Variants in CELF4 observed in about 807,000 individuals in gnomAD.
CELF4 encodes CUG-BP- and ETR-3-like factor 4.
CELF4 carries 18 observed loss-of-function variants against 59.9 expected under a neutral mutation model. The observed-to-expected ratio is 0.30, with a 90% CI of 0.21 to 0.45. CELF4 has a LOEUF of 0.45. CELF4 is among the 20% of genes least tolerant of loss of function. The pLI, the probability that CELF4 is intolerant of heterozygous loss-of-function variation, is 1.00. For synonymous variants in CELF4, 261 were observed against 267.1 expected (o/e 0.98, Z 0.22); for missense variants, 456 against 689.0 (o/e 0.66, Z 3.79).
chr18:37,273,026 G>T lies in CELF4; in HGVS notation c.939C>A (p.Thr313=), dbSNP rs746025688. 1 of 1,610,064 alleles carries T rather than the reference G, an allele frequency of 6.2e-7. No homozygotes were observed. The highest frequency in any genetic ancestry group is 8.5e-7 in the Non-Finnish European group (1 of 1,178,638). Residue 313 remains threonine (T), a synonymous_variant, in exon 7 of 13, where the codon ACC becomes ACA. Coordinates refer to ENST00000420428, the MANE Select transcript of CELF4 (RefSeq NM_020180.4). ...NMNGLAAAPM[T]PTSGGSTPPG... ...CACCTGCCAGCTCACCTGAGGTTGGGGTCATAGGTGCGGCCGCCAGGCCAT... is the reference window on the plus strand; with the variant it reads ...CACCTGCCAGCTCACCTGAGGTTGGTGTCATAGGTGCGGCCGCCAGGCCAT...
chr18:37,352,213 C>A lies in CELF4; in HGVS notation c.370-30332G>T, dbSNP rs200326939. On this transcript the variant is annotated intron_variant, in intron 2 of 12. Coordinates refer to ENST00000420428, the MANE Select transcript of CELF4 (RefSeq NM_020180.4). ...CTTTGCAGGTGTCCCTCCTTCTGGG[C>A]AAGGCCAGGAGGAGAACATCAGTGC... 8.5e-5 allele frequency among the ~76,000 whole-genome samples: 13 copies of A among 152,328 alleles called. No individual in the cohort carries two copies. The East Asian group carries it at 2.5e-3, about 29-fold the overall frequency.
chr18:37,510,363 C>A (rs551980200), intron 1 of CELF4, among the ~76,000 whole-genome samples: 1 of 152,330 alleles, frequency 6.6e-6, no homozygotes, highest in African/African-American at 2.4e-5. Context: ...GGGACCCCTG[C>A]CTTCTTCCCC....
chr18:37,477,310 T>C (rs754288012), intron 2 of CELF4, among the ~76,000 whole-genome samples: 26 of 152,306 alleles, frequency 1.7e-4, no homozygotes, highest in Non-Finnish European at 2.8e-4. Context: ...AGAGAATTTG[T>C]TCAGAGGAAG....
chr18:37,533,896 G>A (rs1488956562), intron 1 of CELF4, among the ~76,000 whole-genome samples: 1 of 152,194 alleles, frequency 6.6e-6, no homozygotes, highest in Non-Finnish European at 1.5e-5. Context: ...GAAAGCAGTG[G>A]GGTGGTCCTG....
intron 2 of CELF4, among the ~76,000 whole-genome samples, chr18:37,379,966 CAG>C (rs907602145): frequency 6.6e-6 from 1 of 152,172 alleles, no homozygotes; most frequent in Non-Finnish European, 1.5e-5. Context: ...CCCTTCCACT[CAG>C]AGGGTGGATG....
rs985823852 is a variant in CELF4 at position 37,244,616 on chromosome 18, T to C, written c.*626A>G. The C allele has an allele frequency of 4.6e-5, 7 of 152,540 alleles. No individual in the cohort carries two copies. The highest frequency in any genetic ancestry group is 7.3e-5 in the Non-Finnish European group (5 of 68,034). The allele number at this position is 152,540 out of a possible 1,614,324, so 9.4% of individuals were successfully genotyped here. ...TTTAATTTTTTATTACATTTTTTCA[T>C]AGAATCGCTCTAAGCTGTTTCAAGA... On this transcript the variant is annotated 3_prime_UTR_variant, in exon 13 of 13. Transcript: ENST00000420428.
At chr18:37,529,128 TC>T (rs1284158571) in intron 1 of CELF4, 5 of 152,164 alleles carry the variant, frequency 3.3e-5, no homozygotes, top group Admixed American at 6.5e-5. Flanking sequence ...GCTCAGGTGC[TC>T]TGTGCCTCGG....
At chr18:37,401,682 G>C (rs2099328096) in intron 2 of CELF4, among the ~76,000 whole-genome samples, 1 of 152,188 alleles carries the variant, frequency 6.6e-6, no homozygotes, top group Non-Finnish European at 1.5e-5. Flanking sequence ...ATGGATCTGA[G>C]ACTTCCCTGA....
intron 6 of CELF4, chr18:37,273,400 A>T: frequency 1.6e-6 from 2 of 1,264,678 alleles, no homozygotes; most frequent in Non-Finnish European, 2.0e-6. Context: ...TTGGAACTCC[A>T]AAGTTGTTGC....
intron 2 of CELF4, among the ~76,000 whole-genome samples, chr18:37,373,484 A>T (rs1205302447): frequency 6.6e-6 from 1 of 152,240 alleles, no homozygotes; most frequent in Non-Finnish European, 1.5e-5. Flanking sequence ...ACTTTGTTGG[A>T]ACAAAGAACA....
chr18:37,445,245 A>G (rs2099744992), intron 2 of CELF4, among the ~76,000 whole-genome samples: 1 of 152,152 alleles, frequency 6.6e-6, no homozygotes, highest in Admixed American at 6.5e-5. Flanking sequence ...AAGCGGGAGC[A>G]GAGGGGCCAG....
At chr18:37,407,519 G>A (rs930440212) in intron 2 of CELF4, among the ~76,000 whole-genome samples, 5 of 151,986 alleles carry the variant, frequency 3.3e-5, no homozygotes, top group African/African-American at 1.2e-4. Context: ...GTGTGCATGT[G>A]TACAGGTGTG....
chr18:37,295,512 A>G (rs1187818946), intron 3 of CELF4, among the ~76,000 whole-genome samples: 1 of 152,238 alleles, frequency 6.6e-6, no homozygotes, highest in Non-Finnish European at 1.5e-5. Context: ...CTCCATGCCA[A>G]GAGGGCTCAG....
At chr18:37,548,787 G>C (rs1480604753) in intron 1 of CELF4, among the ~76,000 whole-genome samples, 1 of 152,212 alleles carries the variant, frequency 6.6e-6, no homozygotes, top group Non-Finnish European at 1.5e-5. Flanking sequence ...GTCCGTGCGG[G>C]AGCCAGAGCC....
At chr18:37,424,068 G>T (rs1423682971) in intron 2 of CELF4, among the ~76,000 whole-genome samples, 2 of 151,678 alleles carry the variant, frequency 1.3e-5, no homozygotes, top group Admixed American at 6.6e-5. Context: ...GATCTATCAG[G>T]TTGGTGCAAA....
chr18:37,488,650 TTCCCCC>T (rs2099887997), intron 1 of CELF4, among the ~76,000 whole-genome samples: 1 of 152,084 alleles, frequency 6.6e-6, no homozygotes, highest in African/African-American at 2.4e-5. Context: ...CTCACCATGC[TTCCCCC>T]TTCACCCCCA....
intron 1 of CELF4, among the ~76,000 whole-genome samples, chr18:37,502,738 C>G (rs2099933229): frequency 6.6e-6 from 1 of 152,210 alleles, no homozygotes; most frequent in Non-Finnish European, 1.5e-5. Context: ...TGTCTCACCT[C>G]ACTAAGGATG....
intron 1 of CELF4, among the ~76,000 whole-genome samples, chr18:37,506,434 C>T (rs1044723940): frequency 6.6e-6 from 1 of 152,198 alleles, no homozygotes; most frequent in African/African-American, 2.4e-5. Flanking sequence ...TCTACATCTG[C>T]CCCTCCAAGA....
chr18:37,387,134 A>G (rs2099107997), intron 2 of CELF4, among the ~76,000 whole-genome samples: 1 of 152,188 alleles, frequency 6.6e-6, no homozygotes, highest in Non-Finnish European at 1.5e-5. Context: ...TTCTAGCAGT[A>G]AGAAGAGACA....
Sources: allele counts gnomAD v4.1 joint callset (sites outside exome capture counted in the v4.1 genomes callset), GRCh38; gene constraint gnomAD v4.1.1; transcripts MANE v1.5; gene names NCBI Gene and HGNC (gene_info 2026-07-23, HGNC 2026-07-21).